Variants in MAPK4 observed in about 807,000 individuals in gnomAD.
MAPK4 encodes Erk3-related.
Under a neutral mutation model 47.7 loss-of-function variants are expected in MAPK4, and 22 were observed. The observed-to-expected ratio is 0.46, with a 90% CI of 0.33 to 0.66. The LOEUF (loss-of-function observed/expected upper bound fraction) is 0.66. MAPK4 is among the 30% of genes least tolerant of loss of function. MAPK4 has a pLI of 0.02. For synonymous variants in MAPK4, 390 were observed against 365.7 expected (o/e 1.07, Z -0.76); for missense variants, 736 against 831.7 (o/e 0.88, Z 1.42).
intron 1 of MAPK4, among the ~76,000 whole-genome samples, chr18:50,612,241 T>A (rs1028823405): frequency 2.0e-5 from 3 of 152,238 alleles, no homozygotes; most frequent in African/African-American, 7.2e-5. Flanking sequence ...GGATACAAGT[T>A]CAGAGAAGTG....
chr18:50,686,650 C>G (rs1036733355), intron 2 of MAPK4, among the ~76,000 whole-genome samples: 2 of 152,212 alleles, frequency 1.3e-5, no homozygotes, highest in African/African-American at 4.8e-5. Flanking sequence ...AGATTTTTCT[C>G]CATCCAATGT....
intron 4 of MAPK4, among the ~76,000 whole-genome samples, chr18:50,722,650 C>T (rs894972545): frequency 5.3e-5 from 8 of 152,198 alleles, no homozygotes; most frequent in Admixed American, 2.6e-4. Context: ...GCAGCCGAAA[C>T]GTCCATCTTG....
intron 1 of MAPK4, among the ~76,000 whole-genome samples, chr18:50,654,620 T>A (rs1343572549): frequency 1.3e-5 from 2 of 152,082 alleles, no homozygotes; most frequent in Non-Finnish European, 2.9e-5. Flanking sequence ...GTTGCAGGAG[T>A]CGTTTAAAAT....
chr18:50,684,475 G>A (rs1908755022), intron 2 of MAPK4, among the ~76,000 whole-genome samples: 1 of 151,416 alleles, frequency 6.6e-6, no homozygotes, highest in African/African-American at 2.4e-5. Flanking sequence ...GAGCCCATGA[G>A]TTTGAGGCTA....
intron 1 of MAPK4, among the ~76,000 whole-genome samples, chr18:50,634,289 G>T (rs547180047): frequency 1.3e-5 from 2 of 150,334 alleles, no homozygotes; most frequent in East Asian, 4.0e-4. Context: ...ACTTTTTTCA[G>T]CATGGCTGTC....
Position 50,664,649 on chromosome 18 carries a change from C to A in MAPK4, c.546+145C>A, listed in dbSNP as rs998580255. The A allele has an allele frequency of 8.1e-5, 75 of 924,262 alleles. No individual in the cohort carries two copies. Among genetic ancestry groups the A allele is most frequent in the Non-Finnish European group, 1.1e-4 (69 of 637,922 alleles). 57.3% of individuals were successfully genotyped at this position (924,262 alleles called of 1,614,324 possible). ...AGGCTGGAGGGTGCTAGGAAGATCA[C>A]TAGCCTGAAAAGTTGTTGGAGGCGT... On this transcript the variant is annotated intron_variant, in intron 2 of 5. Transcript: ENST00000400384. The surrounding 1 kb of genome is among the most constrained non-coding windows in gnomAD (Gnocchi z 6.0).
chr18:50,633,944 T>G (rs868767609), intron 1 of MAPK4, among the ~76,000 whole-genome samples: 4 of 152,276 alleles, frequency 2.6e-5, no homozygotes, highest in African/African-American at 9.6e-5. Flanking sequence ...GGTGGGGGCC[T>G]TAGTAAGAAT....
At position 50,718,617 on chromosome 18, in the gene MAPK4, C is replaced by G. The variant is rs112058180; in HGVS notation, c.692-3321C>G. 4.5e-3 allele frequency among the ~76,000 whole-genome samples: 684 copies of G among 152,298 alleles called. 4 individuals carry two copies. The highest frequency in any genetic ancestry group is 0.016 in the African/African-American group (652 of 41,564). ...ATGAGAGACCCAGAAAATGTAATCT[C>G]TCAATCACAGCAATGAGGGAATTAT... On this transcript the variant is annotated intron_variant, in intron 3 of 5. Coordinates refer to ENST00000400384, the MANE Select transcript of MAPK4 (RefSeq NM_002747.4).
At chr18:50,719,796 C>G (rs1330065051) in intron 3 of MAPK4, among the ~76,000 whole-genome samples, 3 of 152,212 alleles carry the variant, frequency 2.0e-5, no homozygotes, top group Non-Finnish European at 4.4e-5. Context: ...GTCTATTGGC[C>G]TCTCATCTTC....
At chr18:50,659,113 G>GT (rs2043142156) in intron 1 of MAPK4, among the ~76,000 whole-genome samples, 2 of 152,234 alleles carry the variant, frequency 1.3e-5, no homozygotes, top group East Asian at 3.8e-4. Context: ...AACAGAGGCT[G>GT]TATGTCCTAC....
chr18:50,640,614 C>T (rs556306242), intron 1 of MAPK4, among the ~76,000 whole-genome samples: 40 of 152,144 alleles, frequency 2.6e-4, no homozygotes, highest in South Asian at 8.3e-4. Flanking sequence ...TACAGGTGTG[C>T]GCCACCACGT....
intron 2 of MAPK4, among the ~76,000 whole-genome samples, chr18:50,682,237 C>T (rs1043518831): frequency 2.0e-5 from 3 of 152,016 alleles, no homozygotes; most frequent in African/African-American, 7.3e-5. Flanking sequence ...TGAATTATAT[C>T]TTGAAAAAAA....
At chr18:50,615,733 G>T (rs1598829224) in intron 1 of MAPK4, among the ~76,000 whole-genome samples, 1 of 152,330 alleles carries the variant, frequency 6.6e-6, no homozygotes, top group South Asian at 2.1e-4. Context: ...GAGGGATAAT[G>T]ATAATTTAGA....
At chr18:50,630,130 C>T (rs545920182) in intron 1 of MAPK4, among the ~76,000 whole-genome samples, 6 of 152,238 alleles carry the variant, frequency 3.9e-5, no homozygotes, top group Admixed American at 3.3e-4. Flanking sequence ...GGATGCTGGC[C>T]GAGTTCCCTT....
intron 1 of MAPK4, among the ~76,000 whole-genome samples, chr18:50,585,708 C>G (rs1172001843): frequency 6.6e-6 from 1 of 152,210 alleles, no homozygotes; most frequent in African/African-American, 2.4e-5. Flanking sequence ...CTATAAAGAA[C>G]TGTCCAAGAC....
chr18:50,687,722 G>A (rs1908964074), intron 2 of MAPK4, among the ~76,000 whole-genome samples: 2 of 152,214 alleles, frequency 1.3e-5, no homozygotes, highest in South Asian at 4.1e-4. Context: ...AGAGCAGTCT[G>A]CTGGGCAAAC....
intron 2 of MAPK4, among the ~76,000 whole-genome samples, chr18:50,700,529 A>T (rs746216540): frequency 2.0e-4 from 30 of 152,224 alleles, no homozygotes; most frequent in Non-Finnish European, 2.5e-4. Context: ...TGACGCAAAC[A>T]TCAGCACTCT....
rs1910965515 is a variant in MAPK4, at chr18:50,722,067, T to G, written c.821T>G (p.Leu274Arg). The change falls in exon 4 of 6, where the codon CTG becomes CGG. Residue 274 changes from leucine (L) to arginine (R), a missense_variant. Physicochemically the swap from Leu to Arg is moderately radical, Grantham distance 102 (BLOSUM62 -2). Around this residue, in one of 3 missense-constraint regions of MAPK4, gnomAD observed 327 missense variants for 395.4 expected, o/e 0.83. Coordinates refer to ENST00000400384, the MANE Select transcript of MAPK4 (RefSeq NM_002747.4). ...AGCACCTGGGAGGTGAAGAGGCCTC[T>G]GCGCAAGCTGCTCCCTGAAGTGAAC... ...VSSTWEVKRP[L>R]RKLLPEVNSE... The G allele has an allele frequency of 6.2e-7, 1 of 1,613,376 alleles. No homozygotes were observed. The highest frequency in any genetic ancestry group is 1.3e-5 in the African/African-American group (1 of 74,906).
intron 2 of MAPK4, among the ~76,000 whole-genome samples, chr18:50,674,859 A>G (rs929963538): frequency 1.3e-5 from 2 of 152,172 alleles, no homozygotes; most frequent in Non-Finnish European, 2.9e-5. Flanking sequence ...AGTTCATTCA[A>G]TGCTAATTGG....
Sources: gnomAD v4.1 joint callset for allele counts (sites outside exome capture counted in the v4.1 genomes callset) on GRCh38, gnomAD v4.1.1 for gene constraint, gnomAD v4.1.1 regional missense constraint, Gnocchi (gnomAD v3.1) non-coding constraint, MANE v1.5 for transcripts, NCBI Gene and HGNC (gene_info 2026-07-23, HGNC 2026-07-21) for gene names.